The following ENTPD1 variants were observed in gnomAD, a reference collection of about 807,000 sequenced individuals.
The protein encoded by ENTPD1 is ATP diphosphohydrolase.
In ENTPD1, 33 loss-of-function variants were observed where a neutral mutation model predicts 57.0. The observed-to-expected ratio is 0.58, with a 90% confidence interval of 0.44 to 0.77. The LOEUF (loss-of-function observed/expected upper bound fraction) is 0.77, where lower values mean the gene tolerates loss of function less well. Among genes scored for constraint, ENTPD1 ranks in the 30% least tolerant of loss-of-function variants. The probability of loss-of-function intolerance (pLI) is 0.00; values close to 1 mark genes in which losing one functional copy is unlikely to be tolerated. For synonymous variants in ENTPD1, 202 were observed against 218.8 expected (o/e 0.92, Z 0.68); for missense variants, 501 against 603.4 (o/e 0.83, Z 1.78).
Position 95,760,814 on chromosome 10 carries a change from C to CTTTTTTTTTTTTTTTTTTTTTTT in ENTPD1, c.16+4570_16+4592dup, listed in dbSNP as rs71034350. 7.9e-5 allele frequency among the ~76,000 whole-genome samples: 5 copies of CTTTTTTTTTTTTTTTTTTTTTTT among 62,956 alleles called. 1 individual carries two copies. Among genetic ancestry groups the CTTTTTTTTTTTTTTTTTTTTTTT allele is most frequent in the African/African-American group, 1.3e-4 (2 of 14,902 alleles). The allele number at this position is 62,956 out of a possible 152,430, so 41.3% of individuals were successfully genotyped here. On this transcript the variant is annotated intron_variant, in intron 1 of 9. Coordinates refer to ENST00000371205, the MANE Select transcript of ENTPD1 (RefSeq NM_001776.6). ...TGGAGTAAATTACATAGAGTTTATT[C>CTTTTTTTTTTTTTTTTTTTTTTT]TTTTTTTTTTTTTTTTTTTTTTTTT...
intron 1 of ENTPD1, among the ~76,000 whole-genome samples, chr10:95,796,686 A>T (rs1294417029): frequency 6.6e-6 from 1 of 152,130 alleles, no homozygotes; most frequent in Non-Finnish European, 1.5e-5. Flanking sequence ...TTTTAGGATG[A>T]CTATGTTAGC....
chr10:95,801,429 A>G (rs1365737142), intron 1 of ENTPD1, among the ~76,000 whole-genome samples: 1 of 152,136 alleles, frequency 6.6e-6, no homozygotes, highest in African/African-American at 2.4e-5. Context: ...CTAGCCAGTT[A>G]TCCCAGCACC....
At chr10:95,842,235 A>G in intron 3 of ENTPD1, 109 bp from the exon 4 acceptor site, 1 of 995,722 alleles carries the variant, frequency 1.0e-6, no homozygotes, top group Non-Finnish European at 1.5e-6. Context: ...TACATCAGGA[A>G]ATTGTTTTCT....
chr10:95,705,966 GCATGCACCTATAGGTCCAGC>G, the ENTPD1 span, among the ~76,000 whole-genome samples: 1 of 152,134 alleles, frequency 6.6e-6, no homozygotes, highest in Non-Finnish European at 1.5e-5. Context: ...GGGTGTGATG[GCATGCACCTATAGGTCCAGC>G]CACTTGGGAA....
chr10:95,839,908 T>C (rs926674025), intron 3 of ENTPD1, 100 bp downstream of exon 3: 11 of 1,184,508 alleles, frequency 9.3e-6, no homozygotes, highest in Non-Finnish European at 1.4e-5. Context: ...GTCCCACGCA[T>C]AGGAAGCCAA....
At chr10:95,725,521 T>A (rs2097982699) in intron 1 of ENTPD1, among the ~76,000 whole-genome samples, 1 of 152,222 alleles carries the variant, frequency 6.6e-6, no homozygotes, top group Non-Finnish European at 1.5e-5. Context: ...AAACTGCAGA[T>A]TCTCTTCTCT....
At chr10:95,806,900 C>A (rs1007172096) in intron 1 of ENTPD1, among the ~76,000 whole-genome samples, 3 of 152,266 alleles carry the variant, frequency 2.0e-5, no homozygotes, top group African/African-American at 7.2e-5. Flanking sequence ...AAAAGGGGAC[C>A]CGCCTATATG....
At chr10:95,700,629 A>G in the ENTPD1 span, among the ~76,000 whole-genome samples, 1 of 152,166 alleles carries the variant, frequency 6.6e-6, no homozygotes, top group Non-Finnish European at 1.5e-5. Flanking sequence ...TTGAGGTTAT[A>G]GTGACCTGTG....
chr10:95,799,717 T>C (rs1292406670), intron 1 of ENTPD1, among the ~76,000 whole-genome samples: 1 of 152,208 alleles, frequency 6.6e-6, no homozygotes, highest in Non-Finnish European at 1.5e-5. Context: ...CACTGCACTG[T>C]CTTCCAAAAT....
chr10:95,839,738 C>G lies in ENTPD1; in HGVS notation c.192C>G (p.Ile64Met). The G allele has an allele frequency of 6.2e-7, 1 of 1,613,998 alleles. No homozygotes were observed. The highest frequency in any genetic ancestry group is 1.1e-5 in the South Asian group (1 of 91,060). ...GTTCTTCTCACACAAGTTTATACATCTATAAGTGGCCAGCAGAAAAGGAGA... is the reference window on the plus strand; with the variant it reads ...GTTCTTCTCACACAAGTTTATACATGTATAAGTGGCCAGCAGAAAAGGAGA... Reference protein sequence around the residue: ...DAGSSHTSLYIYKWPAEKEND... With the variant: ...DAGSSHTSLYMYKWPAEKEND... The change falls in exon 3 of 10, where the codon ATC becomes ATG. Residue 64 changes from isoleucine to methionine, a missense_variant. Coordinates refer to ENST00000371205, the MANE Select transcript of ENTPD1 (RefSeq NM_001776.6).
chr10:95,714,007 T>C lies in ENTPD1; in HGVS notation c.37+2014T>C, dbSNP rs1285525169. On this transcript the variant is annotated intron_variant, in intron 1 of 9. Transcript: ENST00000453258. ...ATTATCACAGAAATGACATCTACATTTTTCTTAAGTTAAAGTTTGAGGCCT... is the reference window on the plus strand; with the variant it reads ...ATTATCACAGAAATGACATCTACATCTTTCTTAAGTTAAAGTTTGAGGCCT... Among the ~76,000 whole-genome samples, 6 of 152,166 alleles carry C rather than the reference T, an allele frequency of 3.9e-5. No homozygotes were observed. In the East Asian group the frequency reaches 1.2e-3, roughly 29 times the overall value.
intron 1 of ENTPD1, among the ~76,000 whole-genome samples, chr10:95,756,963 G>A (rs1482200987): frequency 6.6e-6 from 1 of 152,200 alleles, no homozygotes; most frequent in Non-Finnish European, 1.5e-5. Flanking sequence ...TGCACAGATG[G>A]TGTGCAGTCT....
chr10:95,740,545 T>C (rs1262670028), intron 1 of ENTPD1, among the ~76,000 whole-genome samples: 1 of 152,236 alleles, frequency 6.6e-6, no homozygotes, highest in African/African-American at 2.4e-5. Context: ...CTTTGAAGAT[T>C]TGAAGCCAGG....
intron 1 of ENTPD1, among the ~76,000 whole-genome samples, chr10:95,742,268 A>C (rs1589662646): frequency 1.3e-5 from 2 of 152,166 alleles, no homozygotes; most frequent in East Asian, 3.9e-4. Flanking sequence ...ATTTTGCTTA[A>C]CACTAGCTTT....
At chr10:95,779,715 T>C (rs2140171420) in intron 1 of ENTPD1, among the ~76,000 whole-genome samples, 1 of 152,284 alleles carries the variant, frequency 6.6e-6, no homozygotes, top group African/African-American at 2.4e-5. Context: ...AAGGCCATTT[T>C]CACTTAACCT....
At chr10:95,844,820 A>G in intron 5 of ENTPD1, 185 bp downstream of exon 5, 1 of 753,396 alleles carries the variant, frequency 1.3e-6, no homozygotes, top group Non-Finnish European at 2.3e-6. Flanking sequence ...ATTCTCTTAC[A>G]AGACCTTCTA....
At chr10:95,809,851 C>T (rs1400716984) in intron 1 of ENTPD1, among the ~76,000 whole-genome samples, 8 of 149,512 alleles carry the variant, frequency 5.4e-5, no homozygotes, top group African/African-American at 2.0e-4. Context: ...GGCTGAGATG[C>T]TCCTCACTTC....
upstream of ENTPD1, chr10:95,711,717 A>T (rs1415648840): frequency 3.9e-6 from 2 of 511,888 alleles, no homozygotes; most frequent in Non-Finnish European, 7.1e-6. Context: ...CAAAGTGCTG[A>T]GGTCACAGGC....
chr10:95,812,791 T>A (rs1442256224), intron 1 of ENTPD1, among the ~76,000 whole-genome samples: 3 of 152,252 alleles, frequency 2.0e-5, no homozygotes, highest in African/African-American at 7.2e-5. Flanking sequence ...TTCTAATAAG[T>A]GTATAGTGAA....
Sources: gnomAD v4.1 joint callset for allele counts (sites outside exome capture counted in the v4.1 genomes callset) on GRCh38, gnomAD v4.1.1 for gene constraint, MANE v1.5 for transcripts, NCBI Gene and HGNC (gene_info 2026-07-23, HGNC 2026-07-21) for gene names.